TANGO6: variants seen among roughly 807,000 people sequenced by gnomAD.
The protein encoded by TANGO6 is transport and Golgi organization protein 6 homolog.
In TANGO6, 90 loss-of-function variants were observed where a neutral mutation model predicts 114.2. The observed-to-expected ratio is 0.79, with a 90% confidence interval of 0.66 to 0.94. TANGO6 has a LOEUF of 0.94. Among genes scored for constraint, TANGO6 ranks in the 40% least tolerant of loss-of-function variants. The probability of loss-of-function intolerance (pLI) is 0.00; values close to 1 mark genes in which losing one functional copy is unlikely to be tolerated. For missense variants in TANGO6, 1,274 were observed against 1,315.3 expected, an observed-to-expected ratio of 0.97 and a Z score of 0.49; for synonymous variants, 477 against 509.8, an observed-to-expected ratio of 0.94 and a Z score of 0.87.
chr16:68,856,032 G>A (rs1420691606), intron 1 of TANGO6, among the ~76,000 whole-genome samples: 1 of 151,996 alleles, frequency 6.6e-6, no homozygotes, highest in East Asian at 1.9e-4. Flanking sequence ...GTTTTATAGA[G>A]TCCTTAGGGC....
chr16:69,008,018 T>TTA (rs1380559775), intron 15 of TANGO6, among the ~76,000 whole-genome samples: 5 of 152,282 alleles, frequency 3.3e-5, no homozygotes, highest in Admixed American at 2.6e-4. Flanking sequence ...TAAGAGTTCT[T>TTA]TATAGATTCA....
intron 15 of TANGO6, among the ~76,000 whole-genome samples, chr16:68,987,334 AT>A (rs1261789759): frequency 1.3e-4 from 20 of 152,074 alleles, no homozygotes; most frequent in Non-Finnish European, 2.1e-4. Flanking sequence ...GGCTATTTAA[AT>A]TTTAAATTTT....
At chr16:68,957,885 A>C (rs961504162) in intron 14 of TANGO6, among the ~76,000 whole-genome samples, 1 of 152,176 alleles carries the variant, frequency 6.6e-6, no homozygotes, top group Non-Finnish European at 1.5e-5. Context: ...AAAATTAAAA[A>C]TTCAGGCCAC....
chr16:69,084,157 G>C lies in TANGO6; in HGVS notation c.*496G>C, dbSNP rs1181048433. On this transcript the variant is annotated 3_prime_UTR_variant, in exon 18 of 18. Transcript: ENST00000261778. Reference sequence around the variant, plus strand: ...TAGGAGATGCAGTTGGAGGTGGGGAGGGGAAGGAAATAGTTATCAAATAAT... The same window carrying C: ...TAGGAGATGCAGTTGGAGGTGGGGACGGGAAGGAAATAGTTATCAAATAAT... The C allele has an allele frequency of 6.6e-6, 1 of 152,650 alleles. No homozygotes were observed. The highest frequency in any genetic ancestry group is 2.4e-5 in the African/African-American group (1 of 41,460). The allele number at this position is 152,650 out of a possible 1,614,324, so 9.5% of individuals were successfully genotyped here. A position where few individuals can be genotyped will look rare whatever the true frequency, so the allele number is the denominator to read the frequency against.
intron 14 of TANGO6, chr16:68,937,394 A>T (rs1271031353): frequency 3.3e-5 from 5 of 152,214 alleles, no homozygotes; most frequent in African/African-American, 1.2e-4. Context: ...AAAACTTCTT[A>T]TTTGAGATGT....
chr16:68,907,415 C>T, intron 9 of TANGO6, 28 bp from the exon 10 acceptor site: 1 of 1,548,408 alleles, frequency 6.5e-7, no homozygotes, highest in Non-Finnish European at 8.7e-7. Flanking sequence ...GGTGACACTA[C>T]CAAGATAAAT....
intron 15 of TANGO6, among the ~76,000 whole-genome samples, chr16:68,984,731 A>G (rs576241112): frequency 6.6e-6 from 1 of 152,306 alleles, no homozygotes; most frequent in Admixed American, 6.5e-5. Context: ...TATGTTGCCC[A>G]GGCTGTTCTC....
At chr16:68,877,020 A>C (rs1171255282) in intron 5 of TANGO6, among the ~76,000 whole-genome samples, 2 of 152,198 alleles carry the variant, frequency 1.3e-5, no homozygotes, top group Non-Finnish European at 2.9e-5. Context: ...CATAACTACC[A>C]GTATTACCAT....
chr16:68,909,650 G>T, intron 11 of TANGO6: 1 of 299,244 alleles, frequency 3.3e-6, no homozygotes. Flanking sequence ...TGTCTTAAAT[G>T]TTTATATATT....
intron 16 of TANGO6, among the ~76,000 whole-genome samples, chr16:69,025,312 C>A (rs1959482213): frequency 6.6e-6 from 1 of 152,174 alleles, no homozygotes; most frequent in African/African-American, 2.4e-5. Context: ...AAACGGCTCT[C>A]AGCAGAGAAG....
In TANGO6 at chr16:68,867,067, T is replaced by G. The variant is rs763985682; in HGVS notation, c.853-12T>G. On this transcript the variant is annotated splice_polypyrimidine_tract_variant and intron_variant, in intron 3 of 17. Transcript: ENST00000261778. ...GTGACATTCAGAATTCACACCTTCT[T>G]CTTTTTCTCAGTCCTGCACAGATGT... 1 of 1,606,420 alleles carries G rather than the reference T, an allele frequency of 6.2e-7. No homozygotes were observed. Among genetic ancestry groups the G allele is most frequent in the Non-Finnish European group, 8.5e-7 (1 of 1,176,800 alleles).
chr16:68,892,860 A>G (rs553121661), intron 7 of TANGO6, among the ~76,000 whole-genome samples: 1 of 152,108 alleles, frequency 6.6e-6, no homozygotes. Context: ...AACCCCAGAG[A>G]GGCTTTTATC....
intron 7 of TANGO6, among the ~76,000 whole-genome samples, chr16:68,898,650 G>A (rs1027237700): frequency 3.3e-5 from 5 of 151,840 alleles, no homozygotes; most frequent in East Asian, 1.9e-4. Context: ...GCTTTCACCC[G>A]CAAAATAGGG....
intron 7 of TANGO6, among the ~76,000 whole-genome samples, chr16:68,894,022 G>T (rs978801291): frequency 6.6e-6 from 1 of 152,174 alleles, no homozygotes; most frequent in Admixed American, 6.5e-5. Context: ...TGCTTCCTCA[G>T]TCCATACTGT....
chr16:68,948,946 G>A (rs1176157203), intron 14 of TANGO6, among the ~76,000 whole-genome samples: 1 of 152,202 alleles, frequency 6.6e-6, no homozygotes, highest in Non-Finnish European at 1.5e-5. Flanking sequence ...CAGCACTTTG[G>A]GAGGCCAAGG....
intron 17 of TANGO6, among the ~76,000 whole-genome samples, chr16:69,057,010 T>TC (rs1402779248): frequency 7.5e-6 from 1 of 132,932 alleles, no homozygotes; most frequent in African/African-American, 2.9e-5. Flanking sequence ...TTTTTTTTTT[T>TC]TTTTTTTTTT....
intron 15 of TANGO6, among the ~76,000 whole-genome samples, chr16:68,999,909 T>C (rs556516135): frequency 6.6e-6 from 1 of 152,364 alleles, no homozygotes; most frequent in African/African-American, 2.4e-5. Flanking sequence ...GTGGCACACT[T>C]TCCAAAGTTA....
chr16:69,025,936 TA>T (rs928771006), intron 16 of TANGO6: 65 of 215,220 alleles, frequency 3.0e-4, no homozygotes, highest in South Asian at 5.6e-4. Context: ...TATTTCTAGT[TA>T]AAAAAAAATG....
intron 17 of TANGO6, among the ~76,000 whole-genome samples, chr16:69,063,849 A>G (rs991598450): frequency 6.7e-5 from 9 of 135,054 alleles, no homozygotes; most frequent in Non-Finnish European, 9.5e-5. Context: ...TTATTATATT[A>G]TTTTGTTTTG....
Sources: allele counts gnomAD v4.1 joint callset (sites outside exome capture counted in the v4.1 genomes callset), GRCh38; gene constraint gnomAD v4.1.1; transcripts MANE v1.5; gene names NCBI Gene and HGNC (gene_info 2026-07-23, HGNC 2026-07-21).